The following CCSER1 variants were observed in gnomAD, a reference collection of about 807,000 sequenced individuals.
The protein encoded by CCSER1 is coiled-coil serine rich protein 1.
Under a neutral mutation model 82.0 loss-of-function variants are expected in CCSER1, and 41 were observed. The ratio of observed to expected loss-of-function variants is 0.50; its 90% CI spans 0.39 to 0.65. CCSER1 has a LOEUF of 0.65. CCSER1 is among the 30% of genes least tolerant of loss of function. CCSER1 has a pLI of 0.00. For synonymous variants in CCSER1, 414 were observed against 383.9 expected (o/e 1.08, Z -0.92); for missense variants, 1,119 against 1,064.2 (o/e 1.05, Z -0.72).
chr4:91,160,613 T>C (rs1389654524), intron 10 of CCSER1, among the ~76,000 whole-genome samples: 1 of 152,204 alleles, frequency 6.6e-6, no homozygotes, highest in Non-Finnish European at 1.5e-5. Flanking sequence ...TGGTATCTCA[T>C]TGTGGTTTTG....
intron 10 of CCSER1, among the ~76,000 whole-genome samples, chr4:91,261,254 C>T (rs1741109970): frequency 6.6e-6 from 1 of 152,158 alleles, no homozygotes; most frequent in South Asian, 2.1e-4. Flanking sequence ...ATAGTCTTTC[C>T]ATCATCCCCA....
At chr4:90,824,602 T>A (rs1423026057) in intron 8 of CCSER1, among the ~76,000 whole-genome samples, 1 of 152,114 alleles carries the variant, frequency 6.6e-6, no homozygotes, top group African/African-American at 2.4e-5. Flanking sequence ...AATTCCTGCA[T>A]GATAAGAGAA....
chr4:90,830,749 C>A (rs548222216), intron 8 of CCSER1, among the ~76,000 whole-genome samples: 1 of 152,148 alleles, frequency 6.6e-6, no homozygotes, highest in South Asian at 2.1e-4. Flanking sequence ...CCAAACACAC[C>A]CTTCCTTTTT....
At chr4:90,182,218 AAT>A (rs1219460828) in intron 1 of CCSER1, among the ~76,000 whole-genome samples, 1 of 152,152 alleles carries the variant, frequency 6.6e-6, no homozygotes, top group Non-Finnish European at 1.5e-5. Flanking sequence ...ATTATTATGA[AAT>A]ATGACTTCTT....
chr4:90,767,410 C>T (rs764893059), intron 7 of CCSER1, among the ~76,000 whole-genome samples: 1 of 151,966 alleles, frequency 6.6e-6, no homozygotes, highest in African/African-American at 2.4e-5. Context: ...CAGTTAGTTG[C>T]TCTACTTTGA....
At chr4:91,468,536 ATATT>A (rs956206570) in intron 10 of CCSER1, among the ~76,000 whole-genome samples, 4 of 151,972 alleles carry the variant, frequency 2.6e-5, no homozygotes, top group African/African-American at 7.2e-5. Flanking sequence ...AGGTAATAAA[ATATT>A]TATAACCATA....
chr4:91,242,869 A>G (rs866508843), intron 10 of CCSER1, among the ~76,000 whole-genome samples: 3 of 152,218 alleles, frequency 2.0e-5, no homozygotes, highest in African/African-American at 7.2e-5. Context: ...ATAGAAGCCT[A>G]CGTTGTTTGT....
At chr4:90,995,197 G>GA (rs749331356) in intron 9 of CCSER1, among the ~76,000 whole-genome samples, 1 of 152,136 alleles carries the variant, frequency 6.6e-6, no homozygotes, top group African/African-American at 2.4e-5. Context: ...GAGTTGGTTG[G>GA]AAAATCAAGG....
intron 10 of CCSER1, among the ~76,000 whole-genome samples, chr4:91,456,208 G>A (rs1234328907): frequency 6.6e-6 from 1 of 152,016 alleles, no homozygotes; most frequent in African/African-American, 2.4e-5. Context: ...TGAAAAGACA[G>A]ATAACTATTT....
intron 8 of CCSER1, among the ~76,000 whole-genome samples, chr4:90,837,581 T>C (rs1047077900): frequency 5.3e-5 from 8 of 152,062 alleles, no homozygotes; most frequent in African/African-American, 1.9e-4. Flanking sequence ...TACAAACAAA[T>C]AATAAATAGT....
intron 5 of CCSER1, among the ~76,000 whole-genome samples, chr4:90,546,116 T>C (rs1222954224): frequency 6.6e-6 from 1 of 151,906 alleles, no homozygotes; most frequent in Non-Finnish European, 1.5e-5. Flanking sequence ...TTGGCTGAAA[T>C]AGTTTGACAG....
intron 5 of CCSER1, among the ~76,000 whole-genome samples, chr4:90,550,131 A>G (rs562035336): frequency 1.3e-5 from 2 of 152,294 alleles, no homozygotes; most frequent in South Asian, 4.1e-4. Flanking sequence ...GGGGAAGAGT[A>G]GCCAGTGGAC....
chr4:90,480,652 T>G (rs1185285450), intron 5 of CCSER1, among the ~76,000 whole-genome samples: 1 of 152,206 alleles, frequency 6.6e-6, no homozygotes, highest in African/African-American at 2.4e-5. Context: ...CCCCATTGCT[T>G]GTTTTTGTCA....
At chr4:90,518,477 C>T (rs1336373366) in intron 5 of CCSER1, among the ~76,000 whole-genome samples, 1 of 152,028 alleles carries the variant, frequency 6.6e-6, no homozygotes, top group African/African-American at 2.4e-5. Context: ...AGTTTCATAA[C>T]TAGTCCATTA....
At chr4:91,079,472 G>T (rs1468663606) in intron 9 of CCSER1, among the ~76,000 whole-genome samples, 1 of 151,914 alleles carries the variant, frequency 6.6e-6, no homozygotes, top group Non-Finnish European at 1.5e-5. Flanking sequence ...GCAAAAACAT[G>T]CCAAATAAGG....
chr4:91,097,090 AG>A (rs1334253890), intron 10 of CCSER1, among the ~76,000 whole-genome samples: 4 of 152,194 alleles, frequency 2.6e-5, no homozygotes, highest in Non-Finnish European at 4.4e-5. Flanking sequence ...CTGTGTGCAC[AG>A]TTTTTTAATG....
At chr4:91,168,332 C>CAT (rs1732373061) in intron 10 of CCSER1, among the ~76,000 whole-genome samples, 1 of 146,340 alleles carries the variant, frequency 6.8e-6, no homozygotes, top group Non-Finnish European at 1.5e-5. Flanking sequence ...CCGGCCACCC[C>CAT]CTCTGGGAAG....
At chr4:91,144,578 T>C (rs1242441303) in intron 10 of CCSER1, among the ~76,000 whole-genome samples, 1 of 151,994 alleles carries the variant, frequency 6.6e-6, no homozygotes, top group African/African-American at 2.4e-5. Flanking sequence ...CTTTCTATCT[T>C]CTTGATGTAA....
intron 8 of CCSER1, among the ~76,000 whole-genome samples, chr4:90,829,191 G>A (rs916336041): frequency 3.9e-5 from 6 of 152,034 alleles, no homozygotes; most frequent in South Asian, 4.1e-4. Context: ...AGGAAACAAC[G>A]TTCAACAAAA....
Sources: gnomAD v4.1 joint callset for allele counts (sites outside exome capture counted in the v4.1 genomes callset) on GRCh38, gnomAD v4.1.1 for gene constraint, MANE v1.5 for transcripts, NCBI Gene and HGNC (gene_info 2026-07-23, HGNC 2026-07-21) for gene names.